The following ANKRD36 variants were observed in gnomAD, a reference collection of about 807,000 sequenced individuals.
ANKRD36 encodes the protein ankyrin repeat domain-containing protein 36A.
ANKRD36 carries 179 observed loss-of-function variants against 278.1 expected under a neutral mutation model. The ratio of observed to expected loss-of-function variants is 0.64; its 90% CI spans 0.57 to 0.73. The LOEUF (loss-of-function observed/expected upper bound fraction) is 0.73, where lower values mean the gene tolerates loss of function less well. ANKRD36 is among the 30% of genes least tolerant of loss of function. The pLI, the probability that ANKRD36 is intolerant of heterozygous loss-of-function variation, is 0.00. For missense variants in ANKRD36, 1,159 were observed against 1,956.7 expected, an observed-to-expected ratio of 0.59 and a Z score of 7.69; for synonymous variants, 320 against 641.1, an observed-to-expected ratio of 0.50 and a Z score of 7.57.
intron 11 of ANKRD36, among the ~76,000 whole-genome samples, chr2:97,147,819 G>T (rs2044691961): frequency 6.6e-6 from 1 of 151,766 alleles, no homozygotes; most frequent in African/African-American, 2.4e-5. Flanking sequence ...GGAAAAATCT[G>T]AATATTTGGT....
chr2:97,135,765 T>A (rs2041334550), intron 6 of ANKRD36, among the ~76,000 whole-genome samples: 1 of 151,890 alleles, frequency 6.6e-6, no homozygotes, highest in South Asian at 2.1e-4. Flanking sequence ...CAGACTGGGA[T>A]GTAATGGCTC....
At chr2:97,130,066 C>T (rs1048499498) in intron 6 of ANKRD36, among the ~76,000 whole-genome samples, 4 of 151,910 alleles carry the variant, frequency 2.6e-5, no homozygotes, top group Non-Finnish European at 5.9e-5. Context: ...TTGGGCAGTA[C>T]AGCCATTTTG....
chr2:97,133,897 C>T (rs1245816969), intron 6 of ANKRD36, among the ~76,000 whole-genome samples: 1 of 151,836 alleles, frequency 6.6e-6, no homozygotes, highest in Non-Finnish European at 1.5e-5. Context: ...ACATTTGTTA[C>T]AACTGAGAAG....
intron 6 of ANKRD36, among the ~76,000 whole-genome samples, chr2:97,140,014 ATG>A (rs1197934186): frequency 1.3e-5 from 2 of 151,588 alleles, no homozygotes; most frequent in Non-Finnish European, 2.9e-5. Context: ...TTGTGTGTGA[ATG>A]TGTGTGTGTG....
At chr2:97,197,764 T>C (rs1233312201) in intron 42 of ANKRD36, among the ~76,000 whole-genome samples, 1 of 151,928 alleles carries the variant, frequency 6.6e-6, no homozygotes, top group Non-Finnish European at 1.5e-5. Context: ...AATTGATAAT[T>C]GATGATATTT....
intron 24 of ANKRD36, among the ~76,000 whole-genome samples, chr2:97,180,807 A>C (rs1024210040): frequency 2.6e-5 from 4 of 151,796 alleles, no homozygotes; most frequent in East Asian, 1.9e-4. Flanking sequence ...TTAACTCCTA[A>C]AGTGGTGATT....
chr2:97,176,194 T>C (rs1342247871), intron 22 of ANKRD36, among the ~76,000 whole-genome samples: 1 of 152,022 alleles, frequency 6.6e-6, no homozygotes, highest in East Asian at 1.9e-4. Context: ...ACTTTCTCTC[T>C]TGTTGATCTG....
intron 50 of ANKRD36, among the ~76,000 whole-genome samples, 195 bp downstream of exon 50, chr2:97,204,458 C>T (rs549115022): frequency 1.3e-5 from 2 of 151,740 alleles, no homozygotes; most frequent in Admixed American, 6.6e-5. Context: ...TAAGATTATA[C>T]ACTTCCCCAC....
intron 41 of ANKRD36, 30 bp from the exon 42 acceptor site, chr2:97,196,686 A>G (rs754490511): frequency 1.9e-6 from 3 of 1,582,970 alleles, no homozygotes; most frequent in South Asian, 2.3e-5. Context: ...TACTTTATTT[A>G]TTTATTATTT....
chr2:97,193,918 TA>T (rs1188459145), intron 38 of ANKRD36, among the ~76,000 whole-genome samples: 1 of 151,728 alleles, frequency 6.6e-6, no homozygotes, highest in East Asian at 2.0e-4. Context: ...AATTAACGCC[TA>T]AAATAGTCAT....
chr2:97,174,873 A>C (rs1210523397), intron 22 of ANKRD36, among the ~76,000 whole-genome samples: 2 of 151,038 alleles, frequency 1.3e-5, no homozygotes, highest in Admixed American at 1.3e-4. Flanking sequence ...TTCTGCATCT[A>C]TTGAGATAAT....
chr2:97,189,981 A>G lies in ANKRD36; in HGVS notation c.2245+691A>G, dbSNP rs1264140958. On this transcript the variant is annotated intron_variant, in intron 34 of 75. Transcript: ENST00000420699. ...TTTTTGTTACTATTAGGCATCAGAG[A>G]TACATGTTTTGTTGACTTTACTTAT... Among the ~76,000 whole-genome samples the G allele has an allele frequency of 4.8e-5, 4 of 83,246 alleles. 2 individuals are homozygous for G. The highest frequency in any genetic ancestry group is 1.7e-4 in the Non-Finnish European group (4 of 23,442). The allele number at this position is 83,246 out of a possible 152,430, so 54.6% of individuals were successfully genotyped here. A position where few individuals can be genotyped will look rare whatever the true frequency, so the allele number is the denominator to read the frequency against.
rs371071070 is a variant in ANKRD36 at position 97,198,572 on chromosome 2, C to A, written c.2683-14C>A. On this transcript the variant is annotated splice_polypyrimidine_tract_variant and intron_variant, in intron 43 of 75. Coordinates refer to ENST00000420699, the MANE Select transcript of ANKRD36 (RefSeq NM_001354587.1). ...ACTTTATTAATTTATTATTTCATTT[C>A]AAATTCCATTCAGGCTTCAAGTGCC... 1 of 1,550,590 alleles carries A rather than the reference C, an allele frequency of 6.4e-7. No homozygotes were observed. Among genetic ancestry groups the A allele is most frequent in the Non-Finnish European group, 8.7e-7 (1 of 1,147,574 alleles).
intron 51 of ANKRD36, 21 bp from the exon 52 acceptor site, chr2:97,206,042 T>TTA: frequency 6.5e-7 from 1 of 1,546,930 alleles, no homozygotes; most frequent in East Asian, 2.4e-5. Context: ...TATTTATTAT[T>TTA]TTGTTTCAAA....
chr2:97,176,490 C>T (rs1420417323), intron 22 of ANKRD36, among the ~76,000 whole-genome samples: 1 of 145,912 alleles, frequency 6.9e-6, no homozygotes, highest in Non-Finnish European at 1.5e-5. Flanking sequence ...AGATCTTCCT[C>T]CATCCTTTTA....
At chr2:97,152,327 A>C (rs2046277702) in intron 13 of ANKRD36, among the ~76,000 whole-genome samples, 177 bp from the exon 14 acceptor site, 1 of 148,694 alleles carries the variant, frequency 6.7e-6, no homozygotes, top group Admixed American at 6.7e-5. Flanking sequence ...ATAAGGATAG[A>C]GTCTTGCTAT....
chr2:97,171,256 G>A (rs1160583399), intron 22 of ANKRD36, among the ~76,000 whole-genome samples: 1 of 143,766 alleles, frequency 7.0e-6, no homozygotes, highest in Non-Finnish European at 1.5e-5. Context: ...GCACACGTAT[G>A]TTTATTGCGG....
intron 30 of ANKRD36, 113 bp downstream of exon 30, chr2:97,185,623 G>C: frequency 7.6e-7 from 1 of 1,317,100 alleles, no homozygotes; most frequent in Non-Finnish European, 1.1e-6. Flanking sequence ...GATTCAGCAG[G>C]CCCGAGATTC....
At chr2:97,226,097 G>A (rs539145258) in intron 67 of ANKRD36, among the ~76,000 whole-genome samples, 1 of 151,792 alleles carries the variant, frequency 6.6e-6, no homozygotes, top group Non-Finnish European at 1.5e-5. Context: ...GTGTGCATGT[G>A]TCTTTATAGC....
Sources: gnomAD v4.1 joint callset for allele counts (sites outside exome capture counted in the v4.1 genomes callset) on GRCh38, gnomAD v4.1.1 for gene constraint, MANE v1.5 for transcripts, NCBI Gene and HGNC (gene_info 2026-07-23, HGNC 2026-07-21) for gene names.